The following SLC44A5 variants were observed in gnomAD, a reference collection of about 807,000 sequenced individuals.
The protein encoded by SLC44A5 is choline transporter-like protein 5.
In SLC44A5, 57 loss-of-function variants were observed where a neutral mutation model predicts 101.8. The observed-to-expected ratio is 0.56, with a 90% CI of 0.45 to 0.70. The LOEUF (loss-of-function observed/expected upper bound fraction) is 0.70, where lower values mean the gene tolerates loss of function less well. SLC44A5 is among the 30% of genes least tolerant of loss of function. The probability of loss-of-function intolerance (pLI) is 0.00; values close to 1 mark genes in which losing one functional copy is unlikely to be tolerated. For missense variants in SLC44A5, 737 were observed against 853.1 expected (o/e 0.86, Z 1.70); for synonymous variants, 281 against 290.9 (o/e 0.97, Z 0.35).
chr1:75,489,396 A>G (rs905866700), intron 2 of SLC44A5, among the ~76,000 whole-genome samples: 4 of 152,244 alleles, frequency 2.6e-5, no homozygotes, highest in Non-Finnish European at 4.4e-5. Context: ...AGAAAAACAT[A>G]GAGCCAGCTC....
Position 75,582,453 on chromosome 1 carries a change from G to A in SLC44A5, c.-70+28587C>T, listed in dbSNP as rs980564864. 12 of 633,102 alleles carry A rather than the reference G, an allele frequency of 1.9e-5. No homozygotes were observed. The African/African-American group carries it at 2.0e-4, about 11-fold the overall frequency. 39.2% of individuals were successfully genotyped at this position (633,102 alleles called of 1,614,324 possible). A position where few individuals can be genotyped will look rare whatever the true frequency, so the allele number is the denominator to read the frequency against. Reference sequence around the variant, plus strand: ...ATTGCCAAAGGGCTCAGGCTGTGTGGGCCAAAGGCCAAGACCAAGGATCAA... The same window carrying A: ...ATTGCCAAAGGGCTCAGGCTGTGTGAGCCAAAGGCCAAGACCAAGGATCAA... On this transcript the variant is annotated intron_variant, in intron 1 of 23. Transcript: ENST00000370859.
At chr1:75,521,442 ATCTGTCTGACTTG>A (rs1670119356) in intron 2 of SLC44A5, 2 of 152,234 alleles carry the variant, frequency 1.3e-5, no homozygotes, top group Non-Finnish European at 2.9e-5. Flanking sequence ...AAATGTGAAT[ATCTGTCTGACTTG>A]CCTCTTGAGA....
chr1:75,700,446 C>A, the SLC44A5 span, among the ~76,000 whole-genome samples: 12 of 149,914 alleles, frequency 8.0e-5, no homozygotes, highest in Non-Finnish European at 1.6e-4. Flanking sequence ...TAAAGATGTT[C>A]TTTGAAACCA....
intron 6 of SLC44A5, among the ~76,000 whole-genome samples, chr1:75,271,152 T>C (rs1651434175): frequency 6.6e-6 from 1 of 152,108 alleles, no homozygotes; most frequent in African/African-American, 2.4e-5. Context: ...TAGTCCCCTA[T>C]AAATTTACCC....
intron 5 of SLC44A5, among the ~76,000 whole-genome samples, chr1:75,297,370 T>C (rs574427051): frequency 6.6e-6 from 1 of 152,308 alleles, no homozygotes; most frequent in South Asian, 2.1e-4. Flanking sequence ...CTGCAACATC[T>C]GCCTCCCAGG....
At chr1:75,340,101 T>G (rs1193195603) in intron 3 of SLC44A5, among the ~76,000 whole-genome samples, 1 of 152,198 alleles carries the variant, frequency 6.6e-6, no homozygotes, top group Non-Finnish European at 1.5e-5. Flanking sequence ...ACTGTTGGTC[T>G]CTATCATGTT....
chr1:75,664,093 G>C, the SLC44A5 span, among the ~76,000 whole-genome samples: 2 of 148,074 alleles, frequency 1.4e-5, no homozygotes, highest in Non-Finnish European at 3.0e-5. Flanking sequence ...AAAAGATTTT[G>C]ATAAAATCCA....
chr1:75,311,305 C>T (rs1257781547), intron 4 of SLC44A5, among the ~76,000 whole-genome samples: 8 of 152,000 alleles, frequency 5.3e-5, no homozygotes, highest in Non-Finnish European at 1.0e-4. Context: ...TTAGTAGAGA[C>T]GGGGTTTCAC....
intron 1 of SLC44A5, among the ~76,000 whole-genome samples, chr1:75,558,730 T>C (rs1672355986): frequency 6.6e-6 from 1 of 152,114 alleles, no homozygotes; most frequent in African/African-American, 2.4e-5. Context: ...GTCATTATTA[T>C]AAAAACAACA....
intron 2 of SLC44A5, among the ~76,000 whole-genome samples, chr1:75,443,489 T>C (rs994027222): frequency 5.9e-5 from 9 of 152,042 alleles, no homozygotes; most frequent in Non-Finnish European, 1.2e-4. Flanking sequence ...TATAAACTTA[T>C]AAAAATGTAT....
chr1:75,298,352 A>C (rs1654135475), intron 5 of SLC44A5, among the ~76,000 whole-genome samples: 1 of 152,178 alleles, frequency 6.6e-6, no homozygotes, highest in South Asian at 2.1e-4. Flanking sequence ...TGGCACTGGG[A>C]TTAATCTGGA....
chr1:75,229,009 T>C (rs1445422525), intron 12 of SLC44A5, among the ~76,000 whole-genome samples: 1 of 151,900 alleles, frequency 6.6e-6, no homozygotes, highest in East Asian at 2.0e-4. Flanking sequence ...TAATTTATAT[T>C]CTTTGCTCAC....
intron 4 of SLC44A5, among the ~76,000 whole-genome samples, chr1:75,332,471 T>C (rs1657126912): frequency 6.6e-6 from 1 of 152,186 alleles, no homozygotes; most frequent in Admixed American, 6.5e-5. Flanking sequence ...TGTTCTATAG[T>C]TGTCCTTTTT....
intron 4 of SLC44A5, among the ~76,000 whole-genome samples, chr1:75,306,025 C>T (rs1654871676): frequency 6.6e-6 from 1 of 152,184 alleles, no homozygotes; most frequent in East Asian, 1.9e-4. Flanking sequence ...ATAGTTTTTA[C>T]AATTTCTAAA....
intron 3 of SLC44A5, among the ~76,000 whole-genome samples, chr1:75,347,465 T>TTCTAATAGAAGCATCCA (rs1658330808): frequency 6.6e-6 from 1 of 152,190 alleles, no homozygotes; most frequent in East Asian, 1.9e-4. Flanking sequence ...ATCACATGGA[T>TTCTAATAGAAGCATCCA]GCTTCTATTT....
At chr1:75,234,883 T>C (rs1275553207) in intron 11 of SLC44A5, among the ~76,000 whole-genome samples, 2 of 152,110 alleles carry the variant, frequency 1.3e-5, no homozygotes, top group Admixed American at 6.6e-5. Flanking sequence ...AGTCTTCTAA[T>C]GTAATTTCCT....
chr1:75,581,553 T>C (rs1259066908), intron 1 of SLC44A5, among the ~76,000 whole-genome samples: 1 of 152,224 alleles, frequency 6.6e-6, no homozygotes, highest in Non-Finnish European at 1.5e-5. Context: ...TGATAATTCA[T>C]AAAAATAATG....
chr1:75,721,953 GA>G, the SLC44A5 span, among the ~76,000 whole-genome samples: 2 of 152,134 alleles, frequency 1.3e-5, no homozygotes, highest in African/African-American at 2.4e-5. Flanking sequence ...ATATTCTCTG[GA>G]CCTTAAATAA....
intron 12 of SLC44A5, among the ~76,000 whole-genome samples, chr1:75,233,641 G>A (rs1647799638): frequency 6.6e-6 from 1 of 152,052 alleles, no homozygotes; most frequent in Non-Finnish European, 1.5e-5. Context: ...GCCTTTGATC[G>A]GATAGAAACG....
Sources: gnomAD v4.1 joint callset for allele counts (sites outside exome capture counted in the v4.1 genomes callset) on GRCh38, gnomAD v4.1.1 for gene constraint, MANE v1.5 for transcripts, NCBI Gene and HGNC (gene_info 2026-07-23, HGNC 2026-07-21) for gene names.